Variants in DEPDC1B observed in about 807,000 individuals in gnomAD.
DEPDC1B encodes the protein DEP domain containing 1B.
DEPDC1B carries 51 observed loss-of-function variants against 66.5 expected under a neutral mutation model. The ratio of observed to expected loss-of-function variants is 0.77; its 90% CI spans 0.61 to 0.97. The LOEUF is 0.97. DEPDC1B is among the 50% of genes least tolerant of loss of function. DEPDC1B has a pLI of 0.00. For synonymous variants in DEPDC1B, 226 were observed against 223.6 expected, an observed-to-expected ratio of 1.01 and a Z score of -0.10; for missense variants, 552 against 637.1, an observed-to-expected ratio of 0.87 and a Z score of 1.44.
intron 3 of DEPDC1B, 75 bp downstream of exon 3, chr5:60,647,323 G>C: frequency 6.7e-7 from 1 of 1,494,910 alleles, no homozygotes; most frequent in Non-Finnish European, 8.9e-7. Flanking sequence ...AAGGACCACA[G>C]AAAGACCAAG....
intron 6 of DEPDC1B, among the ~76,000 whole-genome samples, chr5:60,639,316 A>G (rs998695196): frequency 1.6e-4 from 25 of 152,240 alleles, no homozygotes; most frequent in Admixed American, 1.3e-4. Flanking sequence ...GACAAGTTAT[A>G]AAGCAATTTT....
Position 60,687,141 on chromosome 5 carries a change from T to C in DEPDC1B, c.135A>G (p.Thr45=), listed in dbSNP as rs1754435217. The C allele has an allele frequency of 6.2e-7, 1 of 1,614,134 alleles. No homozygotes were observed. The highest frequency in any genetic ancestry group is 8.5e-7 in the Non-Finnish European group (1 of 1,180,058). Residue 45 remains threonine, a synonymous_variant, in exon 2 of 11, where the codon ACA becomes ACG. Coordinates refer to ENST00000265036, the MANE Select transcript of DEPDC1B (RefSeq NM_018369.3). ...GCAGCCAATCCACAGCTTCGGCCGC[T>C]GTGAAACAATGCTCATAGCTCTTGA... is the stretch of plus-strand genomic sequence containing the variant. ...CRFKSYEHCF[T]AAEAVDWLHE... is the part of the protein sequence containing the mutation.
At chr5:60,604,218 CTTTTTTTT>C (rs869142199) in intron 8 of DEPDC1B, among the ~76,000 whole-genome samples, 2 of 68,970 alleles carry the variant, frequency 2.9e-5, no homozygotes, top group Non-Finnish European at 5.6e-5. Context: ...ATTAACTATT[CTTTTTTTT>C]TTTTTTTTTT....
Position 60,672,650 on chromosome 5 carries a change from C to T in DEPDC1B, c.314+14312G>A, listed in dbSNP as rs113026489. ...ACAGAGGCAAATCATGTCATACCTA[C>T]ATCTATTCTTGGTGACCAGTATATC... On this transcript the variant is annotated intron_variant, in intron 2 of 10. Coordinates refer to ENST00000265036, the MANE Select transcript of DEPDC1B (RefSeq NM_018369.3). 1.2e-3 allele frequency among the ~76,000 whole-genome samples: 190 copies of T among 152,298 alleles called. 2 individuals are homozygous for T. Among genetic ancestry groups the T allele is most frequent in the African/African-American group, 4.5e-3 (187 of 41,566 alleles).
At chr5:60,665,980 C>T (rs1258989505) in intron 2 of DEPDC1B, among the ~76,000 whole-genome samples, 1 of 152,192 alleles carries the variant, frequency 6.6e-6, no homozygotes, top group East Asian at 1.9e-4. Context: ...AGGGTCCCTC[C>T]CATTGTATGG....
At chr5:60,637,489 A>G (rs1446305602) in intron 7 of DEPDC1B, among the ~76,000 whole-genome samples, 1 of 152,240 alleles carries the variant, frequency 6.6e-6, no homozygotes. Flanking sequence ...CCATGAGCCA[A>G]TTAAACCTCT....
intron 2 of DEPDC1B, among the ~76,000 whole-genome samples, chr5:60,674,510 T>G (rs766176189): frequency 6.6e-6 from 1 of 152,162 alleles, no homozygotes; most frequent in Non-Finnish European, 1.5e-5. Flanking sequence ...CTACTTATAC[T>G]TGGTAGACTC....
At chr5:60,693,524 T>C (rs1034988838) in intron 1 of DEPDC1B, among the ~76,000 whole-genome samples, 1 of 152,140 alleles carries the variant, frequency 6.6e-6, no homozygotes, top group Non-Finnish European at 1.5e-5. Context: ...GGATAATATA[T>C]AAAATGTCCA....
chr5:60,660,740 GA>G, intron 2 of DEPDC1B, among the ~76,000 whole-genome samples: 1 of 152,284 alleles, frequency 6.6e-6, no homozygotes, highest in Non-Finnish European at 1.5e-5. Flanking sequence ...TATTCTGTTA[GA>G]AAAAAGGTGA....
At chr5:60,690,961 T>G (rs1328722046) in intron 1 of DEPDC1B, among the ~76,000 whole-genome samples, 1 of 152,350 alleles carries the variant, frequency 6.6e-6, no homozygotes, top group Admixed American at 6.5e-5. Flanking sequence ...GAAGTGGGGT[T>G]TGTGTATGCA....
intron 7 of DEPDC1B, among the ~76,000 whole-genome samples, chr5:60,627,209 CTT>C (rs1291096095): frequency 6.6e-6 from 1 of 151,980 alleles, no homozygotes; most frequent in Non-Finnish European, 1.5e-5. Context: ...ATTACCTAAT[CTT>C]TTTTATTTCA....
rs1257076557 is a variant in DEPDC1B, at chr5:60,687,125, C to G, written c.151G>C (p.Asp51His). Residue 51 changes from aspartate to histidine, a missense_variant, in exon 2 of 11, where the codon GAT becomes CAT. By Grantham distance (81) the Asp-to-His change is moderately conservative. Coordinates refer to ENST00000265036, the MANE Select transcript of DEPDC1B (RefSeq NM_018369.3). ...CACCTCAGCAGCTCATGCAGCCAAT[C>G]CACAGCTTCGGCCGCTGTGAAACAA... ...EHCFTAAEAV[D>H]WLHELLRCSQ... 6.2e-7 allele frequency: 1 copy of G among 1,614,216 alleles called. No homozygotes were observed. The highest frequency in any genetic ancestry group is 8.5e-7 in the Non-Finnish European group (1 of 1,180,042).
At chr5:60,646,707 C>T (rs1345746276) in intron 3 of DEPDC1B, among the ~76,000 whole-genome samples, 2 of 152,210 alleles carry the variant, frequency 1.3e-5, no homozygotes, top group Non-Finnish European at 2.9e-5. Flanking sequence ...CCAGGCTGCA[C>T]AGGAGGAGGT....
At chr5:60,617,457 T>C (rs990871207) in intron 7 of DEPDC1B, among the ~76,000 whole-genome samples, 3 of 151,960 alleles carry the variant, frequency 2.0e-5, no homozygotes, top group African/African-American at 7.3e-5. Flanking sequence ...GCGAAGCAAA[T>C]GGAAAACAAA....
At chr5:60,622,524 G>A (rs1752727172) in intron 7 of DEPDC1B, among the ~76,000 whole-genome samples, 1 of 152,162 alleles carries the variant, frequency 6.6e-6, no homozygotes, top group South Asian at 2.1e-4. Context: ...CACACAATTT[G>A]TGTGAACACA....
intron 1 of DEPDC1B, among the ~76,000 whole-genome samples, chr5:60,693,345 A>G (rs1249270292): frequency 6.6e-6 from 1 of 152,086 alleles, no homozygotes; most frequent in Non-Finnish European, 1.5e-5. Flanking sequence ...GTAAACAGGA[A>G]AAGCAGAGCA....
chr5:60,636,518 A>G (rs529521508), intron 7 of DEPDC1B, among the ~76,000 whole-genome samples: 1 of 152,348 alleles, frequency 6.6e-6, no homozygotes, highest in African/African-American at 2.4e-5. Flanking sequence ...ATGATATCCT[A>G]TTCCAATCAA....
chr5:60,628,962 C>T (rs1752862231), intron 7 of DEPDC1B, among the ~76,000 whole-genome samples: 1 of 152,174 alleles, frequency 6.6e-6, no homozygotes, highest in African/African-American at 2.4e-5. Flanking sequence ...ATGGATTATC[C>T]TAGTGATCAC....
intron 9 of DEPDC1B, among the ~76,000 whole-genome samples, chr5:60,601,479 T>C (rs541538820): frequency 1.3e-5 from 2 of 152,362 alleles, no homozygotes; most frequent in South Asian, 2.1e-4. Context: ...TTTGGCAATA[T>C]GCTATAGATA....
Sources: allele counts gnomAD v4.1 joint callset (sites outside exome capture counted in the v4.1 genomes callset), GRCh38; gene constraint gnomAD v4.1.1; transcripts MANE v1.5; gene names NCBI Gene and HGNC (gene_info 2026-07-23, HGNC 2026-07-21).